The following SEMA3F variants were observed in gnomAD, a reference collection of about 807,000 sequenced individuals.
The protein encoded by SEMA3F is semaphorin-3F.
A neutral mutation model predicts 98.5 loss-of-function variants in SEMA3F; 30 were observed. The ratio of observed to expected loss-of-function variants is 0.30; its 90% CI spans 0.23 to 0.41. SEMA3F has a LOEUF of 0.41. SEMA3F is among the 10% of genes least tolerant of loss of function. SEMA3F has a pLI of 1.00. For missense variants in SEMA3F, 866 were observed against 1,119.3 expected (o/e 0.77, Z 3.23); for synonymous variants, 380 against 444.8 (o/e 0.85, Z 1.83).
intron 2 of SEMA3F, among the ~76,000 whole-genome samples, chr3:50,161,479 G>T (rs1473474867): frequency 6.6e-6 from 1 of 152,210 alleles, no homozygotes; most frequent in East Asian, 1.9e-4. Flanking sequence ...GCCGACACCC[G>T]CAGTGACTAA....
chr3:50,182,719 G>A lies in SEMA3F; in HGVS notation c.839G>A (p.Arg280His), dbSNP rs755533288. 3 of 1,613,378 alleles carry A rather than the reference G, an allele frequency of 1.9e-6. No homozygotes were observed. The highest frequency in any genetic ancestry group is 1.1e-5 in the South Asian group (1 of 91,090). ...GATGATAAGCTTTACTTCTTCTTCC[G>A]TGAGCGGTCGGCAGAGGCGCCGCAG... ...RNDDKLYFFF[R>H]ERSAEAPQSP... The change falls in exon 9 of 19, where the codon CGT becomes CAT. Residue 280 changes from arginine to histidine, a missense_variant. Coordinates refer to ENST00000002829, the MANE Select transcript of SEMA3F (RefSeq NM_004186.5). This position sits in a 1 kb window ranked among gnomAD's most constrained non-coding sequence, Gnocchi z 4.5.
intron 2 of SEMA3F, among the ~76,000 whole-genome samples, chr3:50,168,863 C>T (rs545893330): frequency 2.6e-5 from 4 of 152,322 alleles, no homozygotes; most frequent in East Asian, 1.9e-4. Flanking sequence ...TCTGTCTTTC[C>T]GGTGGGTGAA....
chr3:50,175,230 T>TGG, intron 6 of SEMA3F, 42 bp downstream of exon 6: 1 of 1,397,470 alleles, frequency 7.2e-7, no homozygotes, highest in Non-Finnish European at 1.0e-6. Flanking sequence ...CAGCACTGCC[T>TGG]CTGAGCGGAA....
intron 16 of SEMA3F, 49 bp from the exon 17 acceptor site, chr3:50,186,232 G>T (rs755716981): frequency 1.3e-6 from 2 of 1,591,382 alleles, no homozygotes; most frequent in South Asian, 1.1e-5. Flanking sequence ...CAGGGACCTG[G>T]GGGGGCAAGC....
intron 2 of SEMA3F, among the ~76,000 whole-genome samples, chr3:50,160,041 T>A (rs980080835): frequency 1.3e-5 from 2 of 151,924 alleles, no homozygotes; most frequent in Non-Finnish European, 2.9e-5. Context: ...ATTGGAGAGG[T>A]GGCAATGTCA....
rs1699038947 is a variant in SEMA3F at position 50,182,237 on chromosome 3, C to A, written c.644-47C>A. ...GGAAGTCATCTGAGCTGTGCCCTGG[C>A]CCTAGCAAACAGCAGCCCCCCAACT... On this transcript the variant is annotated intron_variant, in intron 7 of 18. Transcript: ENST00000002829. The surrounding 1 kb of genome is among the most constrained non-coding windows in gnomAD (Gnocchi z 4.5). The A allele has an allele frequency of 6.2e-7, 1 of 1,613,342 alleles. No individual in the cohort carries two copies. Among genetic ancestry groups the A allele is most frequent in the Non-Finnish European group, 8.5e-7 (1 of 1,179,726 alleles).
At chr3:50,155,138 C>G (rs1251645927), upstream of SEMA3F, 2 of 399,016 alleles carry the variant, frequency 5.0e-6, no homozygotes, top group African/African-American at 2.1e-5. The surrounding 1 kb of genome is among the most constrained non-coding windows in gnomAD (Gnocchi z 4.9). Flanking sequence ...GAGCGCAGCG[C>G]AGGACCTGGG....
intron 5 of SEMA3F, among the ~76,000 whole-genome samples, chr3:50,174,750 G>A (rs1006611920): frequency 6.6e-6 from 1 of 152,242 alleles, no homozygotes; most frequent in African/African-American, 2.4e-5. Context: ...TGGCCTGGGG[G>A]AGAGCTGCCT....
In SEMA3F at chr3:50,183,169, T is replaced by C; in HGVS notation, c.1019-17T>C. On this transcript the variant is annotated splice_polypyrimidine_tract_variant and intron_variant, in intron 10 of 18. Transcript: ENST00000002829. The stretch of plus-strand genomic sequence containing the variant: ...CCGCCCATGGCACCCTCCAACACCT[T>C]CTCCCTCTGTCCCCAGAGGACGTGT... The C allele has an allele frequency of 1.2e-6, 2 of 1,613,286 alleles. No individual in the cohort carries two copies. The highest frequency in any genetic ancestry group is 1.7e-6 in the Non-Finnish European group (2 of 1,179,422).
chr3:50,172,941 G>A (rs1055469289), intron 2 of SEMA3F, among the ~76,000 whole-genome samples: 4 of 152,168 alleles, frequency 2.6e-5, no homozygotes, highest in South Asian at 2.1e-4. Context: ...CACCCTGAGC[G>A]TGGGAGCATT....
chr3:50,186,534 C>T, intron 17 of SEMA3F, 79 bp from the exon 18 acceptor site: 1 of 1,521,132 alleles, frequency 6.6e-7, no homozygotes, highest in Non-Finnish European at 9.0e-7. Flanking sequence ...GAGTGGGTGC[C>T]CCTCGGTGCC....
chr3:50,162,331 A>C (rs372020502), intron 2 of SEMA3F, among the ~76,000 whole-genome samples: 58 of 152,310 alleles, frequency 3.8e-4, no homozygotes, highest in East Asian at 3.5e-3. Context: ...TGTGAGGGTC[A>C]AGCAGCCCAG....
chr3:50,180,336 A>T (rs1192336600), intron 7 of SEMA3F, among the ~76,000 whole-genome samples: 1 of 151,664 alleles, frequency 6.6e-6, no homozygotes, highest in Non-Finnish European at 1.5e-5. Context: ...GCTAATTTTT[A>T]TATTTTTAGT....
At chr3:50,157,196 C>T (rs1480493209) in intron 1 of SEMA3F, among the ~76,000 whole-genome samples, 2 of 151,978 alleles carry the variant, frequency 1.3e-5, no homozygotes, top group South Asian at 2.1e-4. Context: ...GGTCTGGATC[C>T]GGCTGTACAG....
At position 50,182,731 on chromosome 3, in the gene SEMA3F, C is replaced by T; in HGVS notation, c.851C>T (p.Ala284Val). 1.2e-6 allele frequency: 2 copies of T among 1,613,424 alleles called. No homozygotes were observed. The highest frequency in any genetic ancestry group is 1.7e-6 in the Non-Finnish European group (2 of 1,180,038). ...TACTTCTTCTTCCGTGAGCGGTCGGCAGAGGCGCCGCAGAGCCCCGCGGTG... is the reference window on the plus strand; with the variant it reads ...TACTTCTTCTTCCGTGAGCGGTCGGTAGAGGCGCCGCAGAGCCCCGCGGTG... Reference protein sequence around the residue: ...KLYFFFRERSAEAPQSPAVYA... With the variant: ...KLYFFFRERSVEAPQSPAVYA... The change falls in exon 9 of 19, where the codon GCA becomes GTA. Residue 284 changes from alanine (A) to valine (V), a missense_variant. By Grantham distance (64) the Ala-to-Val change is moderately conservative. This residue lies in a region of SEMA3F where 374 missense variants were observed against 582.8 expected (regional missense o/e 0.64). Transcript: ENST00000002829. The surrounding 1 kb of genome is among the most constrained non-coding windows in gnomAD (Gnocchi z 4.5).
At position 50,188,097 on chromosome 3, in the gene SEMA3F, C is replaced by T; in HGVS notation, c.2340C>T (p.His780=). ...AGAAAAAGCCCCGGAACCGCCGGCACCACCCTCCGGACACATGAGGCCAGC... is the reference window on the plus strand; with the variant it reads ...AGAAAAAGCCCCGGAACCGCCGGCATCACCCTCCGGACACATGAGGCCAGC... ...QDQKKPRNRR[H]HPPDT Residue 780 remains histidine (H), a synonymous_variant, in exon 19 of 19, where the codon CAC becomes CAT. Transcript: ENST00000002829. This position sits in a 1 kb window ranked among gnomAD's most constrained non-coding sequence, Gnocchi z 4.5. The T allele has an allele frequency of 6.5e-7, 1 of 1,537,942 alleles. No homozygotes were observed. The highest frequency in any genetic ancestry group is 8.8e-7 in the Non-Finnish European group (1 of 1,141,878).
chr3:50,187,893 G>T lies in SEMA3F; in HGVS notation c.2136G>T (p.Met712Ile), dbSNP rs1274331737. The change falls in exon 19 of 19, where the codon ATG becomes ATT. Residue 712 changes from methionine (M) to isoleucine (I), a missense_variant. Physicochemically the swap from Met to Ile is conservative, Grantham distance 10 (BLOSUM62 1). Coordinates refer to ENST00000002829, the MANE Select transcript of SEMA3F (RefSeq NM_004186.5). ...VHAALFPPLS[M>I]SAPPPPGAGP... is the part of the protein sequence containing the mutation. ...CTGCCCTCTTCCCACCACTGTCCAT[G>T]AGCGCCCCGCCACCCCCAGGCGCAG... is the stretch of plus-strand genomic sequence containing the variant. The T allele has an allele frequency of 6.2e-7, 1 of 1,610,064 alleles. No individual in the cohort carries two copies. Among genetic ancestry groups the T allele is most frequent in the East Asian group, 2.2e-5 (1 of 44,754 alleles).
intron 2 of SEMA3F, among the ~76,000 whole-genome samples, chr3:50,163,917 C>T (rs894453342): frequency 6.6e-6 from 1 of 152,186 alleles, no homozygotes; most frequent in Non-Finnish European, 1.5e-5. Context: ...TCCCTTGAGG[C>T]CAGATCTGGA....
At chr3:50,168,948 T>C (rs1698505978) in intron 2 of SEMA3F, among the ~76,000 whole-genome samples, 1 of 152,196 alleles carries the variant, frequency 6.6e-6, no homozygotes, top group African/African-American at 2.4e-5. Flanking sequence ...GGATTAGGGC[T>C]GCACTGGCTC....
Sources: allele counts gnomAD v4.1 joint callset (sites outside exome capture counted in the v4.1 genomes callset), GRCh38; gene constraint gnomAD v4.1.1; regional missense constraint gnomAD v4.1.1; non-coding constraint Gnocchi (gnomAD v3.1); transcripts MANE v1.5; gene names NCBI Gene and HGNC (gene_info 2026-07-23, HGNC 2026-07-21).